The following FRMPD2 variants were observed in gnomAD, a reference collection of about 807,000 sequenced individuals.
The protein encoded by FRMPD2 is FERM and PDZ domain-containing protein 2.
In FRMPD2, 96 loss-of-function variants were observed where a neutral mutation model predicts 140.1. The ratio of observed to expected loss-of-function variants is 0.69; its 90% CI spans 0.58 to 0.81. FRMPD2 has a LOEUF of 0.81. Ranked by LOEUF, FRMPD2 falls within the 40% of genes least tolerant of loss-of-function variation. The pLI, the probability that FRMPD2 is intolerant of heterozygous loss-of-function variation, is 0.00. For synonymous variants in FRMPD2, 449 were observed against 547.6 expected (o/e 0.82, Z 2.52); for missense variants, 1,240 against 1,447.4 (o/e 0.86, Z 2.32).
At chr10:48,159,712 C>T (rs1386043670) in intron 28 of FRMPD2, among the ~76,000 whole-genome samples, 1 of 151,600 alleles carries the variant, frequency 6.6e-6, no homozygotes, top group Non-Finnish European at 1.5e-5. Flanking sequence ...AAGATTTATA[C>T]CATCACTTTC....
chr10:48,175,225 C>T (rs1199768362), intron 23 of FRMPD2: 3 of 663,246 alleles, frequency 4.5e-6, no homozygotes, highest in East Asian at 3.6e-5. Flanking sequence ...TCAACCTTAT[C>T]CTTCCTCCTG....
At chr10:48,247,442 A>C (rs1353956681) in intron 3 of FRMPD2, among the ~76,000 whole-genome samples, 1 of 152,236 alleles carries the variant, frequency 6.6e-6, no homozygotes, top group African/African-American at 2.4e-5. Flanking sequence ...GAAGGGAGAC[A>C]GGGACCAATG....
At chr10:48,192,109 A>G (rs964106565) in intron 16 of FRMPD2, among the ~76,000 whole-genome samples, 1 of 152,160 alleles carries the variant, frequency 6.6e-6, no homozygotes, top group Admixed American at 6.5e-5. Flanking sequence ...CCAATTTCAT[A>G]TTGTCATCTA....
Position 48,187,297 on chromosome 10 carries a change from C to A in FRMPD2, c.2166-5G>T, listed in dbSNP as rs115290078. The A allele has an allele frequency of 1.3e-3, 2,148 of 1,613,288 alleles. 19 individuals carry two copies. In the African/African-American group the frequency reaches 0.021, roughly 16 times the overall value. ...TGCTCCCGGCCAGTGCAGGGGCTGCCGGGAAAAGAAAATGAGGTTAGATAA... is the reference window on the plus strand; with the variant it reads ...TGCTCCCGGCCAGTGCAGGGGCTGCAGGGAAAAGAAAATGAGGTTAGATAA... On this transcript the variant is annotated splice_region_variant and splice_polypyrimidine_tract_variant and intron_variant, in intron 16 of 28. Transcript: ENST00000374201.
In FRMPD2 at chr10:48,238,066, TCCAGAGCTGAGCCTCCGGC is replaced by T; in HGVS notation, c.827_845del (p.Gly276AspfsTer41). On this transcript the variant is annotated frameshift_variant, in exon 8 of 29. Coordinates refer to ENST00000374201, the MANE Select transcript of FRMPD2 (RefSeq NM_001018071.4). LOFTEE classifies it high-confidence loss of function. ...AGCTGTCTGCTGCCGAGTGCACAGA[TCCAGAGCTGAGCCTCCGGC>T]CCGCCTGCTGGTCCTGGGGATCTGC... is the stretch of plus-strand genomic sequence containing the variant. 1 of 1,613,970 alleles carries T rather than the reference TCCAGAGCTGAGCCTCCGGC, an allele frequency of 6.2e-7. No individual in the cohort carries two copies. The highest frequency in any genetic ancestry group is 1.1e-5 in the South Asian group (1 of 91,078).
chr10:48,229,411 A>T (rs1174621136), intron 10 of FRMPD2, among the ~76,000 whole-genome samples: 1 of 152,124 alleles, frequency 6.6e-6, no homozygotes, highest in Non-Finnish European at 1.5e-5. Flanking sequence ...CCCAAAATCA[A>T]ATTCTAAATT....
intron 15 of FRMPD2, among the ~76,000 whole-genome samples, chr10:48,200,197 T>TAATAAAAAAAAA (rs1554794426): frequency 1.4e-5 from 2 of 139,628 alleles, no homozygotes; most frequent in Non-Finnish European, 3.1e-5. Flanking sequence ...AATAAATAAA[T>TAATAAAAAAAAA]AAAACAGAGC....
intron 1 of FRMPD2, among the ~76,000 whole-genome samples, chr10:48,270,892 C>T (rs1840755432): frequency 6.6e-6 from 1 of 152,146 alleles, no homozygotes; most frequent in Non-Finnish European, 1.5e-5. Flanking sequence ...CACCACTGAC[C>T]TGGTCTAAGC....
intron 27 of FRMPD2, 108 bp from the exon 28 acceptor site, chr10:48,163,779 T>A: frequency 1.5e-6 from 1 of 660,902 alleles, no homozygotes; most frequent in Non-Finnish European, 2.8e-6. Context: ...AGTTACAAGA[T>A]GGGCTTTGAG....
chr10:48,269,957 G>A lies in FRMPD2; in HGVS notation c.25+4586C>T, dbSNP rs1400577451. Reference sequence around the variant, plus strand: ...CCACATACCCCTCCTCAGGCCCTGAGTCAGGAAGTTGCTTCCCACAGTGAT... The same window carrying A: ...CCACATACCCCTCCTCAGGCCCTGAATCAGGAAGTTGCTTCCCACAGTGAT... On this transcript the variant is annotated intron_variant, in intron 1 of 28. Coordinates refer to ENST00000374201, the MANE Select transcript of FRMPD2 (RefSeq NM_001018071.4). Among the ~76,000 whole-genome samples the A allele has an allele frequency of 2.0e-5, 3 of 152,156 alleles. No individual in the cohort carries two copies. The East Asian group carries it at 5.8e-4, about 29-fold the overall frequency.
rs750264339 is a variant in FRMPD2 at position 48,244,890 on chromosome 10, C to CT, written c.310-42dup. On this transcript the variant is annotated intron_variant, in intron 3 of 28. Transcript: ENST00000374201. Reference sequence around the variant, plus strand: ...GTACATGATTAGATTTCAATCATCTCTGTTATTCCATGGCTCTGCAAGAAA... The same window carrying CT: ...GTACATGATTAGATTTCAATCATCTCTTGTTATTCCATGGCTCTGCAAGAAA... 2.9e-6 allele frequency: 4 copies of CT among 1,394,126 alleles called. No individual in the cohort carries two copies. In the South Asian group the frequency reaches 4.6e-5, roughly 16 times the overall value. The allele number at this position is 1,394,126 out of a possible 1,614,324, so 86.4% of individuals were successfully genotyped here.
chr10:48,266,242 G>A lies in FRMPD2; in HGVS notation c.25+8301C>T, dbSNP rs116649422. Reference sequence around the variant, plus strand: ...GGATGAAGACTGAGAGAAGGGAGAGGAGCACAAAAAATAACTATTGTGTCC... The same window carrying A: ...GGATGAAGACTGAGAGAAGGGAGAGAAGCACAAAAAATAACTATTGTGTCC... On this transcript the variant is annotated intron_variant, in intron 1 of 28. Transcript: ENST00000374201. Among the ~76,000 whole-genome samples the A allele has an allele frequency of 4.6e-3, 698 of 152,070 alleles. 13 individuals carry two copies. The highest frequency in any genetic ancestry group is 0.015 in the African/African-American group (642 of 41,498).
chr10:48,221,525 A>G (rs995219257), intron 12 of FRMPD2, among the ~76,000 whole-genome samples: 4 of 152,222 alleles, frequency 2.6e-5, no homozygotes, highest in African/African-American at 4.8e-5. Flanking sequence ...TTCAGTAATC[A>G]ACACTAAAAA....
At chr10:48,247,948 G>A (rs1025324988) in intron 3 of FRMPD2, among the ~76,000 whole-genome samples, 1 of 152,256 alleles carries the variant, frequency 6.6e-6, no homozygotes, top group East Asian at 1.9e-4. Flanking sequence ...AGGGGGGAGG[G>A]GGTGCTGGAG....
chr10:48,187,341 A>G, intron 16 of FRMPD2, 49 bp from the exon 17 acceptor site: 2 of 1,547,668 alleles, frequency 1.3e-6, no homozygotes, highest in Non-Finnish European at 1.8e-6. Context: ...ACGGGGAAGG[A>G]CAGTGAGGTT....
chr10:48,246,603 G>A (rs923970326), intron 3 of FRMPD2, among the ~76,000 whole-genome samples: 1 of 152,208 alleles, frequency 6.6e-6, no homozygotes, highest in Non-Finnish European at 1.5e-5. Flanking sequence ...CTGCACCTGA[G>A]GCTAAGATGC....
intron 4 of FRMPD2, among the ~76,000 whole-genome samples, 166 bp downstream of exon 4, chr10:48,244,618 T>C (rs1840202213): frequency 6.6e-6 from 1 of 152,200 alleles, no homozygotes; most frequent in African/African-American, 2.4e-5. Context: ...GTTTCTGCAC[T>C]AGCAGGAAGG....
At chr10:48,175,636 G>T (rs1188931058) in intron 23 of FRMPD2, among the ~76,000 whole-genome samples, 1 of 151,954 alleles carries the variant, frequency 6.6e-6, no homozygotes, top group Admixed American at 6.6e-5. Context: ...TTCCCAGTGT[G>T]CCACTGCAGA....
At chr10:48,259,360 T>C (rs1218108376) in intron 1 of FRMPD2, among the ~76,000 whole-genome samples, 1 of 152,204 alleles carries the variant, frequency 6.6e-6, no homozygotes, top group Non-Finnish European at 1.5e-5. Context: ...CTAGTAAATT[T>C]AAATTTCTGC....
Sources: allele counts gnomAD v4.1 joint callset (sites outside exome capture counted in the v4.1 genomes callset), GRCh38; gene constraint gnomAD v4.1.1; transcripts MANE v1.5; gene names NCBI Gene and HGNC (gene_info 2026-07-23, HGNC 2026-07-21).